Variants in XRN1 observed in about 807,000 individuals in gnomAD.
The protein encoded by XRN1 is strand-exchange protein 1 homolog.
Under a neutral mutation model 222.3 loss-of-function variants are expected in XRN1, and 67 were observed. The observed-to-expected ratio is 0.30, with a 90% confidence interval of 0.25 to 0.37. XRN1 has a LOEUF of 0.37. Ranked by LOEUF, XRN1 falls within the 10% of genes least tolerant of loss-of-function variation. The pLI, the probability that XRN1 is intolerant of heterozygous loss-of-function variation, is 1.00. For synonymous variants in XRN1, 643 were observed against 652.4 expected (o/e 0.99, Z 0.22); for missense variants, 1,707 against 2,000.2 (o/e 0.85, Z 2.80).
intron 25 of XRN1, among the ~76,000 whole-genome samples, chr3:142,373,534 C>T (rs1246945791): frequency 1.3e-5 from 2 of 152,154 alleles, no homozygotes; most frequent in Non-Finnish European, 2.9e-5. Flanking sequence ...CATACCAAGG[C>T]ACACATCCTT....
At chr3:142,403,821 C>T (rs2068238417) in intron 17 of XRN1, 48 bp downstream of exon 17, 2 of 1,611,298 alleles carry the variant, frequency 1.2e-6, no homozygotes, top group East Asian at 4.5e-5. Context: ...TCCATAATCA[C>T]TTCACACTTA....
At chr3:142,442,430 C>G (rs1373121947) in intron 1 of XRN1, among the ~76,000 whole-genome samples, 2 of 152,142 alleles carry the variant, frequency 1.3e-5, no homozygotes, top group African/African-American at 4.8e-5. Flanking sequence ...TCCAGGAAAC[C>G]AAGCCCCAGT....
intron 40 of XRN1, 36 bp from the exon 41 acceptor site, chr3:142,311,849 A>T (rs2065085169): frequency 2.6e-6 from 4 of 1,524,430 alleles, no homozygotes; most frequent in African/African-American, 1.4e-5. Flanking sequence ...TTAATAATGT[A>T]GGCAAAAAAT....
intron 32 of XRN1, among the ~76,000 whole-genome samples, chr3:142,350,782 G>A (rs2066281881): frequency 6.6e-6 from 1 of 152,166 alleles, no homozygotes; most frequent in African/African-American, 2.4e-5. Flanking sequence ...TAAAGGATGT[G>A]ACTCTTAAGG....
chr3:142,344,600 T>C (rs2066087354), intron 33 of XRN1, among the ~76,000 whole-genome samples: 1 of 150,942 alleles, frequency 6.6e-6, no homozygotes. Context: ...TTTATATCTA[T>C]AACAGAAATG....
At chr3:142,416,169 GTTTATTTA>G (rs1336775357) in intron 13 of XRN1, among the ~76,000 whole-genome samples, 1 of 151,800 alleles carries the variant, frequency 6.6e-6, no homozygotes, top group Admixed American at 6.6e-5. Context: ...TGATTATTCT[GTTTATTTA>G]TTTATTTATT....
In XRN1 at chr3:142,375,765, G is replaced by A. The variant is rs1199205911; in HGVS notation, c.2978+33C>T. 12 of 1,546,354 alleles carry A rather than the reference G, an allele frequency of 7.8e-6. No homozygotes were observed. In the East Asian group the frequency reaches 2.6e-4, roughly 34 times the overall value. On this transcript the variant is annotated intron_variant, in intron 25 of 40. Coordinates refer to ENST00000392981, the MANE Select transcript of XRN1 (RefSeq NM_001282857.2). ...ATAAACAGTATTTTCCTAAGATTTT[G>A]GAATGACTACTAGTATCTTATTATG...
chr3:142,394,116 C>G (rs546219728), intron 20 of XRN1, among the ~76,000 whole-genome samples: 1 of 152,112 alleles, frequency 6.6e-6, no homozygotes, highest in Non-Finnish European at 1.5e-5. Context: ...CATGAGCCAC[C>G]GTGCCTGGCC....
chr3:142,401,004 C>G (rs2068108927), intron 18 of XRN1, among the ~76,000 whole-genome samples: 1 of 151,834 alleles, frequency 6.6e-6, no homozygotes, highest in Non-Finnish European at 1.5e-5. Context: ...AAAACTCTAT[C>G]ATTCTAATTA....
chr3:142,328,762 T>C (rs1187236521), intron 37 of XRN1, among the ~76,000 whole-genome samples: 5 of 75,614 alleles, frequency 6.6e-5, no homozygotes, highest in Admixed American at 1.5e-4. Flanking sequence ...TATATATATA[T>C]ATATATATGT....
In XRN1 at chr3:142,412,627, A is replaced by G. The variant is rs1327916937; in HGVS notation, c.1630T>C (p.Tyr544His). 6.2e-7 allele frequency: 1 copy of G among 1,604,494 alleles called. No homozygotes were observed. The highest frequency in any genetic ancestry group is 8.5e-7 in the Non-Finnish European group (1 of 1,173,718). ...TCAGTTTTAAAATCAGGTGGGTAAT[A>G]TTCTATAATTGGTGAGTCTTCATTG... ...MTNEDSPIIE[Y>H]YPPDFKTDLN... Residue 544 changes from tyrosine (Y) to histidine (H), a missense_variant, in exon 15 of 41, where the codon TAT (tyrosine) becomes CAT (histidine). Physicochemically the swap from Tyr to His is moderately conservative, Grantham distance 83. This residue lies in a region of XRN1 where 1,234 missense variants were observed against 1,518.2 expected (regional missense o/e 0.81). Transcript: ENST00000392981.
intron 22 of XRN1, among the ~76,000 whole-genome samples, chr3:142,382,471 C>G (rs953338520): frequency 6.6e-6 from 1 of 152,132 alleles, no homozygotes; most frequent in African/African-American, 2.4e-5. Context: ...TTTTGTCACT[C>G]AAAGTATCCA....
At chr3:142,334,767 T>TAC (rs761753366) in intron 34 of XRN1, among the ~76,000 whole-genome samples, 23,221 of 90,240 alleles carry the variant, frequency 0.26, 2,051 homozygotes, top group African/African-American at 0.33. Context: ...TGTCTATGTA[T>TAC]ACACACACAC....
intron 39 of XRN1, among the ~76,000 whole-genome samples, chr3:142,315,664 A>T (rs2065194581): frequency 6.6e-6 from 1 of 151,790 alleles, no homozygotes; most frequent in Non-Finnish European, 1.5e-5. Context: ...GTGTGCCATC[A>T]CACCCAGCTA....
At chr3:142,314,591 C>T (rs1000655227) in intron 39 of XRN1, among the ~76,000 whole-genome samples, 12 of 152,030 alleles carry the variant, frequency 7.9e-5, no homozygotes, top group African/African-American at 2.4e-4. Context: ...AGATCCATTA[C>T]GTCATGAAAA....
At chr3:142,436,396 A>G (rs1315660524) in intron 1 of XRN1, among the ~76,000 whole-genome samples, 9 of 152,246 alleles carry the variant, frequency 5.9e-5, no homozygotes, top group Admixed American at 5.9e-4. Context: ...ATAAATATTT[A>G]GCATTCTAAT....
At chr3:142,358,218 C>A (rs1361636315) in intron 30 of XRN1, among the ~76,000 whole-genome samples, 1 of 152,112 alleles carries the variant, frequency 6.6e-6, no homozygotes, top group Non-Finnish European at 1.5e-5. Flanking sequence ...TGGAGTCCAG[C>A]CCTTTTTTCC....
intron 18 of XRN1, among the ~76,000 whole-genome samples, chr3:142,400,988 A>C (rs1003528605): frequency 4.6e-5 from 7 of 151,654 alleles, no homozygotes; most frequent in Admixed American, 3.9e-4. Flanking sequence ...TCTTCCATCC[A>C]GGTGTAAAAC....
At chr3:142,330,093 C>A (rs758830881) in intron 36 of XRN1, among the ~76,000 whole-genome samples, 1 of 152,018 alleles carries the variant, frequency 6.6e-6, no homozygotes, top group Admixed American at 6.6e-5. Context: ...AAATTAAAAC[C>A]TTGAGCAGCT....
Sources: gnomAD v4.1 joint callset for allele counts (sites outside exome capture counted in the v4.1 genomes callset) on GRCh38, gnomAD v4.1.1 for gene constraint, gnomAD v4.1.1 regional missense constraint, MANE v1.5 for transcripts, NCBI Gene and HGNC (gene_info 2026-07-23, HGNC 2026-07-21) for gene names.